The following DNAH2 variants were observed in gnomAD, a reference collection of about 807,000 sequenced individuals.
The protein encoded by DNAH2 is axonemal beta dynein heavy chain 2.
Under a neutral mutation model 523.5 loss-of-function variants are expected in DNAH2, and 323 were observed. The ratio of observed to expected loss-of-function variants is 0.62; its 90% CI spans 0.56 to 0.68. DNAH2 has a LOEUF of 0.68. DNAH2 is among the 30% of genes least tolerant of loss of function. The probability of loss-of-function intolerance (pLI) is 0.00; values close to 1 mark genes in which losing one functional copy is unlikely to be tolerated. For missense variants in DNAH2, 4,907 were observed against 5,701.5 expected, an observed-to-expected ratio of 0.86 and a Z score of 4.49; for synonymous variants, 2,093 against 2,177.4, an observed-to-expected ratio of 0.96 and a Z score of 1.08.
At position 7,774,978 on chromosome 17, in the gene DNAH2, T is replaced by G. The variant is rs1390784937; in HGVS notation, c.4719+2T>G. The G allele has an allele frequency of 6.2e-7, 1 of 1,613,136 alleles. No homozygotes were observed. Among genetic ancestry groups the G allele is most frequent in the South Asian group, 1.1e-5 (1 of 91,038 alleles). On this transcript the variant is annotated splice_donor_variant, in intron 29 of 85. Transcript: ENST00000572933. LOFTEE classifies it high-confidence loss of function. ...ATCAAGTTGCTGAGAATCCAGAAGG[T>G]CAGTAGAAGTGGCCACAGTGAGATG...
rs4791759 is a variant in DNAH2 at position 7,774,609 on chromosome 17, A to T, written c.4502-150A>T. 8.2e-5 allele frequency: 52 copies of T among 632,164 alleles called. No individual in the cohort carries two copies. In the East Asian group the frequency reaches 1.3e-3, roughly 16 times the overall value. The allele number at this position is 632,164 out of a possible 1,614,324, so 39.2% of individuals were successfully genotyped here. A position where few individuals can be genotyped will look rare whatever the true frequency, so the allele number is the denominator to read the frequency against. Reference sequence around the variant, plus strand: ...AGAGAATGGGTTGAGCATGTTAGACAGTCTGGGGATACTTCTCTGCGTCCA... The same window carrying T: ...AGAGAATGGGTTGAGCATGTTAGACTGTCTGGGGATACTTCTCTGCGTCCA... On this transcript the variant is annotated intron_variant, in intron 28 of 85. Coordinates refer to ENST00000572933, the MANE Select transcript of DNAH2 (RefSeq NM_020877.5).
intron 77 of DNAH2, 35 bp downstream of exon 77, chr17:7,824,762 C>T: frequency 1.4e-6 from 2 of 1,444,876 alleles, no homozygotes; most frequent in South Asian, 1.5e-5. Context: ...TCATCAGGGC[C>T]ATCTGGTCCA....
intron 65 of DNAH2, 46 bp downstream of exon 65, chr17:7,817,461 TG>T: frequency 6.2e-7 from 1 of 1,613,520 alleles, no homozygotes; most frequent in East Asian, 2.2e-5. Flanking sequence ...AGACCAGGGC[TG>T]GGGGCAGGAC....
Position 7,733,099 on chromosome 17 carries a change from C to T in DNAH2, c.412C>T (p.Leu138Phe), listed in dbSNP as rs1267016023. ...LGMPVQTQNQ[L>F]VYFIRQAPVP... ...GTCTTCCATGCAGACCCAGAACCAG[C>T]TTGTCTACTTCATTCGCCAAGCACC... The change falls in exon 5 of 86, where the codon CTT (leucine) becomes TTT (phenylalanine). Residue 138 changes from leucine to phenylalanine, a missense_variant. Physicochemically the swap from Leu to Phe is conservative, Grantham distance 22. Coordinates refer to ENST00000572933, the MANE Select transcript of DNAH2 (RefSeq NM_020877.5). The T allele has an allele frequency of 6.2e-7, 1 of 1,614,176 alleles. No homozygotes were observed. Among genetic ancestry groups the T allele is most frequent in the East Asian group, 2.2e-5 (1 of 44,894 alleles).
At chr17:7,805,518 GGCCTAGTA>G in intron 61 of DNAH2, 125 bp downstream of exon 61, 1 of 1,392,538 alleles carries the variant, frequency 7.2e-7, no homozygotes, top group Non-Finnish European at 9.7e-7. Context: ...AAGAGCACAG[GGCCTAGTA>G]GAAAGGAGAC....
chr17:7,774,087 C>T (rs1340111104), intron 28 of DNAH2, among the ~76,000 whole-genome samples: 1 of 152,136 alleles, frequency 6.6e-6, no homozygotes, highest in East Asian at 1.9e-4. Flanking sequence ...TTCACCTTTT[C>T]ACTTAAAGGA....
chr17:7,810,058 CTTTTT>C (rs958468992), intron 63 of DNAH2, among the ~76,000 whole-genome samples: 1 of 141,038 alleles, frequency 7.1e-6, no homozygotes, highest in Non-Finnish European at 1.6e-5. Flanking sequence ...TCTTTTCTTT[CTTTTT>C]TTTCTTTTTT....
intron 61 of DNAH2, among the ~76,000 whole-genome samples, 189 bp downstream of exon 61, chr17:7,805,582 T>C (rs1281148159): frequency 2.6e-5 from 4 of 152,184 alleles, no homozygotes; most frequent in African/African-American, 9.6e-5. Flanking sequence ...TCGAGTGTGG[T>C]GGTTCATGCC....
At chr17:7,721,423 C>T (rs935168085) in intron 2 of DNAH2, among the ~76,000 whole-genome samples, 3 of 152,208 alleles carry the variant, frequency 2.0e-5, no homozygotes, top group African/African-American at 4.8e-5. Flanking sequence ...ATCCACCTGC[C>T]TCGGCCTCCC....
At chr17:7,830,610 T>G (rs540060771) in intron 78 of DNAH2, 48 bp from the exon 79 acceptor site, 3 of 1,610,442 alleles carry the variant, frequency 1.9e-6, no homozygotes, top group East Asian at 2.2e-5. Context: ...TTGGCAGATT[T>G]CCTGCCATAA....
chr17:7,779,355 A>T lies in DNAH2; in HGVS notation c.5654A>T (p.His1885Leu). 1 of 1,614,064 alleles carries T rather than the reference A, an allele frequency of 6.2e-7. No homozygotes were observed. Among genetic ancestry groups the T allele is most frequent in the East Asian group, 2.2e-5 (1 of 44,888 alleles). The change falls in exon 36 of 86, where the codon CAT (histidine) becomes CTT (leucine). Residue 1885 changes from histidine to leucine, a missense_variant. Transcript: ENST00000572933. Reference protein sequence around the residue: ...ILSALAAGLTHFHFDGFEINL... With the variant: ...ILSALAAGLTLFHFDGFEINL... Reference sequence around the variant, plus strand: ...TCTGCCCTGGCTGCCGGCCTCACCCATTTCCATTTTGATGGCTTTGAAATA... The same window carrying T: ...TCTGCCCTGGCTGCCGGCCTCACCCTTTTCCATTTTGATGGCTTTGAAATA...
intron 70 of DNAH2, 58 bp from the exon 71 acceptor site, chr17:7,818,860 TC>T: frequency 6.2e-7 from 1 of 1,607,278 alleles, no homozygotes; most frequent in Non-Finnish European, 8.5e-7. Flanking sequence ...CACAACAGCA[TC>T]CCAGGGAGCC....
intron 56 of DNAH2, among the ~76,000 whole-genome samples, 187 bp downstream of exon 56, chr17:7,799,429 T>C (rs893535422): frequency 6.6e-6 from 1 of 152,210 alleles, no homozygotes; most frequent in African/African-American, 2.4e-5. Flanking sequence ...GAGTCGTCCA[T>C]CCTTTTTTGG....
At chr17:7,775,056 G>T in intron 29 of DNAH2, 80 bp downstream of exon 29, 1 of 1,424,854 alleles carries the variant, frequency 7.0e-7, no homozygotes, top group Non-Finnish European at 9.7e-7. Context: ...AGGGGACCCT[G>T]CCCTCCCAAA....
chr17:7,776,677 T>C (rs1418288697), intron 31 of DNAH2, 102 bp from the exon 32 acceptor site: 13 of 845,164 alleles, frequency 1.5e-5, no homozygotes, highest in East Asian at 6.1e-5. Context: ...TTGGGTGCAG[T>C]TGGGAGAGGC....
intron 42 of DNAH2, 88 bp downstream of exon 42, chr17:7,787,121 A>T (rs1256485995): frequency 6.7e-7 from 1 of 1,498,122 alleles, no homozygotes; most frequent in African/African-American, 1.4e-5. Flanking sequence ...CAGAAATCTC[A>T]GAGCAGGGCA....
chr17:7,731,134 T>TTA (rs1567608138), intron 4 of DNAH2, among the ~76,000 whole-genome samples: 33 of 148,792 alleles, frequency 2.2e-4, no homozygotes, highest in South Asian at 1.1e-3. Context: ...ATAAATAAAT[T>TTA]AATTAAATTA....
chr17:7,735,233 G>A (rs1237626599), intron 7 of DNAH2, among the ~76,000 whole-genome samples: 1 of 151,688 alleles, frequency 6.6e-6, no homozygotes. Context: ...CAGGTTCAAG[G>A]GATTCTCCTG....
intron 2 of DNAH2, among the ~76,000 whole-genome samples, chr17:7,722,167 T>C (rs1198857357): frequency 9.5e-6 from 1 of 104,758 alleles, no homozygotes; most frequent in East Asian, 2.7e-4. Flanking sequence ...CCTGGCTAAT[T>C]TTTTGTATTT....
Sources: allele counts gnomAD v4.1 joint callset (sites outside exome capture counted in the v4.1 genomes callset), GRCh38; gene constraint gnomAD v4.1.1; transcripts MANE v1.5; gene names NCBI Gene and HGNC (gene_info 2026-07-23, HGNC 2026-07-21).